OXCT1: variants seen among roughly 807,000 people sequenced by gnomAD.
OXCT1 encodes succinyl-CoA:3-ketoacid coenzyme A transferase 1, mitochondrial.
Under a neutral mutation model 69.6 loss-of-function variants are expected in OXCT1, and 27 were observed. The ratio of observed to expected loss-of-function variants is 0.39; its 90% CI spans 0.29 to 0.54. The LOEUF (loss-of-function observed/expected upper bound fraction) is 0.54, where lower values mean the gene tolerates loss of function less well. Ranked by LOEUF, OXCT1 falls within the 20% of genes least tolerant of loss-of-function variation. The pLI is 0.72. For synonymous variants in OXCT1, 202 were observed against 217.8 expected (o/e 0.93, Z 0.64); for missense variants, 437 against 650.2 (o/e 0.67, Z 3.57).
intron 14 of OXCT1, among the ~76,000 whole-genome samples, chr5:41,750,149 T>G (rs1239481625): frequency 2.7e-5 from 4 of 149,714 alleles, no homozygotes; most frequent in East Asian, 1.9e-4. Flanking sequence ...TTTTTTTTTT[T>G]TTTTTTTTTT....
chr5:41,850,194 C>T lies in OXCT1; in HGVS notation c.415-15G>A. The stretch of plus-strand genomic sequence containing the variant: ...GCAAGTGTGCCCTGCAAGTGAGCAA[C>T]CAACACCCCATAAGTTCACTAAGCA... On this transcript the variant is annotated splice_polypyrimidine_tract_variant and intron_variant, in intron 4 of 16. Transcript: ENST00000196371. The T allele has an allele frequency of 6.2e-7, 1 of 1,612,990 alleles. No individual in the cohort carries two copies. The highest frequency in any genetic ancestry group is 1.1e-5 in the South Asian group (1 of 91,046).
At chr5:41,733,868 C>T (rs1206333507) in intron 16 of OXCT1, among the ~76,000 whole-genome samples, 1 of 152,318 alleles carries the variant, frequency 6.6e-6, no homozygotes, top group East Asian at 1.9e-4. Flanking sequence ...ATTCTGCCAA[C>T]GTGATCTGCA....
Position 41,794,745 on chromosome 5 carries a change from C to G in OXCT1, c.1104G>C (p.Lys368Asn), listed in dbSNP as rs1258391299. 6.2e-7 allele frequency: 1 copy of G among 1,613,340 alleles called. No individual in the cohort carries two copies. Among genetic ancestry groups the G allele is most frequent in the Non-Finnish European group, 8.5e-7 (1 of 1,179,932 alleles). ...CTCCTGGAAGAATAGTAACTGTTTCCTTGCCTAAACACACACACACACAAA... is the reference window on the plus strand; with the variant it reads ...CTCCTGGAAGAATAGTAACTGTTTCGTTGCCTAAACACACACACACACAAA... ...EADADLINAGKETVTILPGAS... is the reference protein window; with the variant it reads ...EADADLINAGNETVTILPGAS... Residue 368 changes from lysine (K) to asparagine (N), a missense_variant, in exon 12 of 17, where the codon AAG becomes AAC. Lys to Asn is a moderately conservative substitution (Grantham distance 94). Transcript: ENST00000196371.
At chr5:41,790,583 A>G (rs1745869158) in intron 13 of OXCT1, among the ~76,000 whole-genome samples, 2 of 152,204 alleles carry the variant, frequency 1.3e-5, no homozygotes, top group South Asian at 2.1e-4. Flanking sequence ...TGCTATAATG[A>G]TTGATGATAA....
chr5:41,798,410 C>T (rs915742700), intron 11 of OXCT1, among the ~76,000 whole-genome samples: 7 of 152,116 alleles, frequency 4.6e-5, no homozygotes, highest in African/African-American at 1.4e-4. Context: ...TTAACTCCAG[C>T]GGATAGGGAA....
At chr5:41,859,203 T>C (rs1749603832) in intron 3 of OXCT1, among the ~76,000 whole-genome samples, 1 of 152,194 alleles carries the variant, frequency 6.6e-6, no homozygotes, top group African/African-American at 2.4e-5. Context: ...TGTGTTCAAG[T>C]AGTCCTTATC....
intron 11 of OXCT1, among the ~76,000 whole-genome samples, chr5:41,796,577 G>A (rs1746193734): frequency 6.6e-6 from 1 of 152,098 alleles, no homozygotes; most frequent in Non-Finnish European, 1.5e-5. Context: ...ACTTGAGTAT[G>A]GAGAAAGAGT....
rs373478124 is a variant in OXCT1 at position 41,772,745 on chromosome 5, T to C, written c.1249-10545A>G. Among the ~76,000 whole-genome samples the C allele has an allele frequency of 9.8e-5, 15 of 152,336 alleles. 1 individual carries two copies. Among genetic ancestry groups the C allele is most frequent in the African/African-American group, 3.4e-4 (14 of 41,568 alleles). The stretch of plus-strand genomic sequence containing the variant: ...AACTCTGTGTTGGAGTCTTAATTTG[T>C]TCTCCTGTGCAAGCCTTACTCTGTG... On this transcript the variant is annotated intron_variant, in intron 13 of 16. Transcript: ENST00000196371.
Position 41,870,154 on chromosome 5 carries a change from C to A in OXCT1, c.78+127G>T. On this transcript the variant is annotated intron_variant, in intron 1 of 16. Coordinates refer to ENST00000196371, the MANE Select transcript of OXCT1 (RefSeq NM_000436.4). This position sits in a 1 kb window ranked among gnomAD's most constrained non-coding sequence, Gnocchi z 4.2. ...TCGCCGCGTGTCCGTGACCAGGGCA[C>A]CGCGCCACGGATGCCAGATCCCAGG... The A allele has an allele frequency of 3.7e-6, 3 of 803,332 alleles. No homozygotes were observed. Among genetic ancestry groups the A allele is most frequent in the Admixed American group, 2.0e-5 (1 of 50,316 alleles). 49.8% of individuals were successfully genotyped at this position (803,332 alleles called of 1,614,324 possible).
chr5:41,780,540 T>C (rs1013749505), intron 13 of OXCT1, among the ~76,000 whole-genome samples: 8 of 152,226 alleles, frequency 5.3e-5, no homozygotes, highest in African/African-American at 1.9e-4. Context: ...ATTGTTTTAA[T>C]GATTAAATTC....
chr5:41,740,097 C>T (rs899752092), intron 15 of OXCT1, among the ~76,000 whole-genome samples: 7 of 152,004 alleles, frequency 4.6e-5, no homozygotes, highest in Admixed American at 4.6e-4. Context: ...TTTGTTAAGT[C>T]TAACACTTTT....
intron 6 of OXCT1, among the ~76,000 whole-genome samples, chr5:41,841,798 T>A (rs891224644): frequency 6.6e-6 from 1 of 150,982 alleles, no homozygotes; most frequent in Non-Finnish European, 1.5e-5. Context: ...AAATTAGTTG[T>A]ACTTTAAAAA....
chr5:41,819,068 A>G (rs550925245), intron 7 of OXCT1, among the ~76,000 whole-genome samples: 16 of 152,304 alleles, frequency 1.1e-4, no homozygotes, highest in African/African-American at 3.8e-4. Context: ...GGTCTCTGGA[A>G]GGAGTAAGGA....
At chr5:41,806,582 C>A (rs1300102158) in intron 8 of OXCT1, among the ~76,000 whole-genome samples, 1 of 152,076 alleles carries the variant, frequency 6.6e-6, no homozygotes, top group Non-Finnish European at 1.5e-5. Context: ...TGTTCGTTTA[C>A]ACACGAGCTG....
intron 13 of OXCT1, among the ~76,000 whole-genome samples, chr5:41,770,796 A>G (rs1412198836): frequency 6.6e-6 from 1 of 152,234 alleles, no homozygotes; most frequent in Non-Finnish European, 1.5e-5. Context: ...ACTGATGTGT[A>G]TCAATTCAAA....
chr5:41,838,071 C>T (rs1181670282), intron 7 of OXCT1, among the ~76,000 whole-genome samples: 1 of 152,150 alleles, frequency 6.6e-6, no homozygotes, highest in African/African-American at 2.4e-5. Context: ...AAATGTTGCA[C>T]TTCAGAGACC....
Position 41,780,911 on chromosome 5 carries a change from T to TA in OXCT1, c.1248+13091_1248+13092insT, listed in dbSNP as rs565555175. On this transcript the variant is annotated intron_variant, in intron 13 of 16. Transcript: ENST00000196371. ...CTTATAGTACTGTCTCCCACATTTT[T>TA]TTTTTTTTTTGAGACGGAGTCTCGC... 3.2e-3 allele frequency among the ~76,000 whole-genome samples: 482 copies of TA among 152,154 alleles called. 2 individuals are homozygous for TA. The highest frequency in any genetic ancestry group is 0.011 in the African/African-American group (455 of 41,522).
chr5:41,787,493 C>G (rs1241908364), intron 13 of OXCT1, among the ~76,000 whole-genome samples: 2 of 151,786 alleles, frequency 1.3e-5, no homozygotes, highest in Admixed American at 6.6e-5. Flanking sequence ...CTGAAAATAC[C>G]AGAAAGGAGG....
chr5:41,791,463 A>G (rs887103116), intron 13 of OXCT1, among the ~76,000 whole-genome samples: 1 of 152,196 alleles, frequency 6.6e-6, no homozygotes, highest in African/African-American at 2.4e-5. Context: ...CATTCACAGG[A>G]ATCTTAACAG....
Sources: allele counts gnomAD v4.1 joint callset (sites outside exome capture counted in the v4.1 genomes callset), GRCh38; gene constraint gnomAD v4.1.1; non-coding constraint Gnocchi (gnomAD v3.1); transcripts MANE v1.5; gene names NCBI Gene and HGNC (gene_info 2026-07-23, HGNC 2026-07-21).